The following PHF11 variants were observed in gnomAD, a reference collection of about 807,000 sequenced individuals.
The protein encoded by PHF11 is PHD finger protein 11, also known as BRCA1 C-terminus-associated protein.
A neutral mutation model predicts 40.5 loss-of-function variants in PHF11; 38 were observed. That is an observed-to-expected ratio of 0.94 (90% CI 0.72 to 1.23). The LOEUF (loss-of-function observed/expected upper bound fraction) is 1.23, where lower values mean the gene tolerates loss of function less well. Among genes scored for constraint, PHF11 ranks in the 50% most tolerant of loss-of-function variants. The probability of loss-of-function intolerance (pLI) is 0.00; values close to 1 mark genes in which losing one functional copy is unlikely to be tolerated. For synonymous variants in PHF11, 127 were observed against 138.2 expected (o/e 0.92, Z 0.57); for missense variants, 369 against 392.4 (o/e 0.94, Z 0.50).
intron 1 of PHF11, among the ~76,000 whole-genome samples, chr13:49,504,690 G>A (rs1250740833): frequency 4.0e-5 from 6 of 151,006 alleles, no homozygotes; most frequent in Admixed American, 6.6e-5. Flanking sequence ...CCCTCTGCCC[G>A]GCCACCACCC....
At chr13:49,521,946 T>C (rs975999369) in intron 5 of PHF11, 97 bp from the exon 6 acceptor site, 1 of 590,568 alleles carries the variant, frequency 1.7e-6, no homozygotes, top group African/African-American at 1.9e-5. Context: ...CTTTTGACTT[T>C]GTAAAAACTT....
Position 49,496,079 on chromosome 13 carries a change from G to A in PHF11, c.78G>A (p.Ala26=), listed in dbSNP as rs1260759636. ...SSPEARPAQE[A]LLLPTGVFQV... Reference sequence around the variant, plus strand: ...CGGAGGCCCGGCCCGCGCAGGAGGCGCTCCTCCTTCCCACCGGTGTGTACC... The same window carrying A: ...CGGAGGCCCGGCCCGCGCAGGAGGCACTCCTCCTTCCCACCGGTGTGTACC... The change falls in exon 1 of 10, where the codon GCG becomes GCA. Residue 26 remains alanine (A), a synonymous_variant. Transcript: ENST00000378319. The A allele has an allele frequency of 2.0e-5, 28 of 1,421,722 alleles. No individual in the cohort carries two copies. Among genetic ancestry groups the A allele is most frequent in the East Asian group, 3.1e-5 (1 of 32,368 alleles). The allele number at this position is 1,421,722 out of a possible 1,614,324, so 88.1% of individuals were successfully genotyped here.
intron 5 of PHF11, 163 bp from the exon 6 acceptor site, chr13:49,521,880 T>A (rs1254892221): frequency 2.8e-5 from 12 of 421,682 alleles, no homozygotes; most frequent in South Asian, 9.0e-5. Flanking sequence ...ATATCTTTTT[T>A]AAAAATTAAC....
At chr13:49,521,588 C>A in intron 5 of PHF11, 1 of 588,768 alleles carries the variant, frequency 1.7e-6, no homozygotes, top group Non-Finnish European at 2.1e-6. Context: ...ACAGATACTT[C>A]TTTAAATCAG....
At position 49,522,758 on chromosome 13, in the gene PHF11, G is replaced by GTTTT. The variant is rs1200697917; in HGVS notation, c.571-417_571-416insTTTT. Among the ~76,000 whole-genome samples, 21 of 35,814 alleles carry GTTTT rather than the reference G, an allele frequency of 5.9e-4. 7 individuals carry two copies. Among genetic ancestry groups the GTTTT allele is most frequent in the Non-Finnish European group, 8.3e-4 (11 of 13,206 alleles). The allele number at this position is 35,814 out of a possible 152,430, so 23.5% of individuals were successfully genotyped here. A position where few individuals can be genotyped will look rare whatever the true frequency, so the allele number is the denominator to read the frequency against. ...TGTTTACATCTAAATATGAATATGG[G>GTTTT]GTTTTTTTGTTTTTTTTTTTTTTTG... On this transcript the variant is annotated intron_variant, in intron 6 of 9. Transcript: ENST00000378319.
intron 1 of PHF11, among the ~76,000 whole-genome samples, chr13:49,496,848 T>TTTTTA: frequency 6.8e-6 from 1 of 148,096 alleles, no homozygotes; most frequent in East Asian, 2.0e-4. Context: ...TTTTTTTTTT[T>TTTTTA]TTTGAGAGGA....
chr13:49,508,160 A>ATATGTATTAATATATTATTAATGCAG (rs1228518241), intron 2 of PHF11, among the ~76,000 whole-genome samples: 2,192 of 137,540 alleles, frequency 0.016, 74 homozygotes, highest in South Asian at 0.091. Flanking sequence ...TTCATATATT[A>ATATGTATTAATATATTATTAATGCAG]TATGTATTAA....
chr13:49,512,378 G>A (rs1385247306), intron 2 of PHF11, among the ~76,000 whole-genome samples: 1 of 152,136 alleles, frequency 6.6e-6, no homozygotes, highest in African/African-American at 2.4e-5. Context: ...TATTTTGATG[G>A]AATCCAACTT....
intron 3 of PHF11, among the ~76,000 whole-genome samples, chr13:49,516,837 A>G (rs921712353): frequency 6.6e-6 from 1 of 152,112 alleles, no homozygotes; most frequent in Non-Finnish European, 1.5e-5. Context: ...CTCCTGCCTC[A>G]GCCTCCCAAA....
At position 49,497,167 on chromosome 13, in the gene PHF11, C is replaced by T. The variant is rs1319977559; in HGVS notation, c.94+1072C>T. ...ACGTAAACATCATACGTGGCAACCA[C>T]AAGCCAATCAGTTGGATATTTCATT... On this transcript the variant is annotated intron_variant, in intron 1 of 9. Transcript: ENST00000378319. 3.1e-6 allele frequency: 4 copies of T among 1,289,404 alleles called. No individual in the cohort carries two copies. The African/African-American group carries it at 4.6e-5, about 15-fold the overall frequency. 79.9% of individuals were successfully genotyped at this position (1,289,404 alleles called of 1,614,324 possible). A position where few individuals can be genotyped will look rare whatever the true frequency, so the allele number is the denominator to read the frequency against.
chr13:49,497,489 G>C (rs1334409679), intron 1 of PHF11, among the ~76,000 whole-genome samples: 2 of 152,096 alleles, frequency 1.3e-5, no homozygotes, highest in Admixed American at 6.5e-5. Flanking sequence ...AGCCAGTTCT[G>C]TGTTCAGCCT....
At chr13:49,507,724 T>C (rs1054415989) in intron 2 of PHF11, among the ~76,000 whole-genome samples, 1 of 152,212 alleles carries the variant, frequency 6.6e-6, no homozygotes, top group Non-Finnish European at 1.5e-5. Flanking sequence ...TATAACAAAG[T>C]CTTGAATATC....
At chr13:49,505,376 G>C (rs909442349) in intron 1 of PHF11, among the ~76,000 whole-genome samples, 55 of 152,036 alleles carry the variant, frequency 3.6e-4, no homozygotes, top group African/African-American at 1.3e-3. Context: ...TCCAAATGCA[G>C]CCTTCTGACT....
intron 2 of PHF11, 135 bp from the exon 3 acceptor site, chr13:49,512,924 C>A: frequency 1.7e-6 from 1 of 589,768 alleles, no homozygotes; most frequent in South Asian, 2.0e-5. Context: ...CTCATCCACC[C>A]CCAAAGTTGC....
intron 1 of PHF11, among the ~76,000 whole-genome samples, chr13:49,502,231 G>C (rs1376498848): frequency 6.6e-6 from 1 of 152,092 alleles, no homozygotes; most frequent in African/African-American, 2.4e-5. Context: ...AGCTGGGGAG[G>C]TTGAGGCTGC....
chr13:49,504,035 T>G (rs540129942), intron 1 of PHF11, among the ~76,000 whole-genome samples: 9 of 152,320 alleles, frequency 5.9e-5, no homozygotes, highest in African/African-American at 1.9e-4. Context: ...CCTTTTTGAT[T>G]TTTTTAATGA....
rs1566195761 is a variant in PHF11 at position 49,520,957 on chromosome 13, T to C, written c.505+17T>C. 7.0e-6 allele frequency: 11 copies of C among 1,567,352 alleles called. No homozygotes were observed. Among genetic ancestry groups the C allele is most frequent in the Non-Finnish European group, 9.6e-6 (11 of 1,144,288 alleles). ...CTCAAAGTGGTAAGTTTCTAAAATT[T>C]AGCACTGTGGGTTTTAAAGAAAGGT... On this transcript the variant is annotated intron_variant, in intron 5 of 9. Transcript: ENST00000378319.
intron 1 of PHF11, among the ~76,000 whole-genome samples, chr13:49,498,837 C>T (rs1225489829): frequency 1.3e-5 from 2 of 152,198 alleles, no homozygotes; most frequent in Non-Finnish European, 2.9e-5. Context: ...GGCACACACA[C>T]ATATAAACAT....
At chr13:49,516,872 A>T (rs1247055195) in intron 3 of PHF11, among the ~76,000 whole-genome samples, 1 of 152,140 alleles carries the variant, frequency 6.6e-6, no homozygotes, top group Non-Finnish European at 1.5e-5. Context: ...GGCATGGGCC[A>T]CCATGCCCAG....
Sources: gnomAD v4.1 joint callset for allele counts (sites outside exome capture counted in the v4.1 genomes callset) on GRCh38, gnomAD v4.1.1 for gene constraint, MANE v1.5 for transcripts, NCBI Gene and HGNC (gene_info 2026-07-23, HGNC 2026-07-21) for gene names.